Variants in ATP2B2 observed in about 807,000 individuals in gnomAD.
ATP2B2 encodes the protein plasma membrane calcium-transporting ATPase 2.
A neutral mutation model predicts 120.0 loss-of-function variants in ATP2B2; 15 were observed. That is an observed-to-expected ratio of 0.12 (90% CI 0.08 to 0.19). ATP2B2 has a LOEUF of 0.19. Ranked by LOEUF, ATP2B2 falls within the 10% of genes least tolerant of loss-of-function variation. The pLI is 1.00. For synonymous variants in ATP2B2, 694 were observed against 700.3 expected (o/e 0.99, Z 0.14); for missense variants, 1,045 against 1,719.8 (o/e 0.61, Z 6.94).
chr3:10,652,180 T>C (rs570187802), intron 1 of ATP2B2, among the ~76,000 whole-genome samples: 3 of 152,266 alleles, frequency 2.0e-5, no homozygotes, highest in African/African-American at 4.8e-5. Flanking sequence ...CTGGCTGGTA[T>C]AAATCAGCTT....
chr3:10,375,596 G>C lies in ATP2B2; in HGVS notation c.1250C>G (p.Thr417Ser), dbSNP rs891845763. The change falls in exon 11 of 23, where the codon ACT becomes AGT. Residue 417 changes from threonine to serine, a missense_variant. Transcript: ENST00000360273. This position sits in a 1 kb window ranked among gnomAD's most constrained non-coding sequence, Gnocchi z 4.2. ...CTTGTTGACCACGAAGGTGTCCACA[G>C]TGAAGTAGAGCACCAGGATGATCAC... ...ITVIILVLYF[T>S]VDTFVVNKKP... 1 of 1,613,730 alleles carries C rather than the reference G, an allele frequency of 6.2e-7. No homozygotes were observed. Among genetic ancestry groups the C allele is most frequent in the African/African-American group, 1.3e-5 (1 of 74,934 alleles).
At chr3:10,592,145 G>C (rs1484773634) in intron 2 of ATP2B2, among the ~76,000 whole-genome samples, 1 of 152,148 alleles carries the variant, frequency 6.6e-6, no homozygotes, top group Non-Finnish European at 1.5e-5. Context: ...TTCTCTTCCT[G>C]CATCTTCCTA....
At chr3:10,636,651 T>C (rs1030152430) in intron 1 of ATP2B2, among the ~76,000 whole-genome samples, 1 of 152,120 alleles carries the variant, frequency 6.6e-6, no homozygotes, top group South Asian at 2.1e-4. Flanking sequence ...CAGACAACAA[T>C]GGTCAATGAT....
At chr3:10,553,155 T>C (rs1394138383) in intron 2 of ATP2B2, among the ~76,000 whole-genome samples, 2 of 152,166 alleles carry the variant, frequency 1.3e-5, no homozygotes, top group Admixed American at 6.5e-5. Flanking sequence ...TTCTATGGAG[T>C]ATTATTATTT....
At chr3:10,371,185 G>A (rs767175508) in intron 12 of ATP2B2, among the ~76,000 whole-genome samples, 3 of 152,224 alleles carry the variant, frequency 2.0e-5, no homozygotes, top group Admixed American at 6.5e-5. Flanking sequence ...AAGTGATAAC[G>A]TGGCGGTTCA....
chr3:10,633,715 T>C (rs1227437265), intron 1 of ATP2B2, among the ~76,000 whole-genome samples: 1 of 152,156 alleles, frequency 6.6e-6, no homozygotes, highest in African/African-American at 2.4e-5. Context: ...CTTTCTGAAA[T>C]AATAGCTCTG....
At chr3:10,665,062 TC>T (rs2070892279) in intron 1 of ATP2B2, among the ~76,000 whole-genome samples, 1 of 152,188 alleles carries the variant, frequency 6.6e-6, no homozygotes, top group Non-Finnish European at 1.5e-5. Flanking sequence ...CTGTTGGGCT[TC>T]CTGTCCACCC....
At chr3:10,353,702 C>A (rs2060638699) in intron 14 of ATP2B2, among the ~76,000 whole-genome samples, 1 of 152,208 alleles carries the variant, frequency 6.6e-6, no homozygotes, top group Admixed American at 6.5e-5. Flanking sequence ...GAGCCAAAAT[C>A]AGCCATCTTC....
intron 2 of ATP2B2, among the ~76,000 whole-genome samples, chr3:10,570,542 A>G (rs1272075936): frequency 6.6e-6 from 1 of 152,250 alleles, no homozygotes; most frequent in Non-Finnish European, 1.5e-5. Context: ...ACCTGAAACA[A>G]TGAAATATTT....
At chr3:10,640,227 T>C (rs2070134973) in intron 1 of ATP2B2, among the ~76,000 whole-genome samples, 1 of 152,164 alleles carries the variant, frequency 6.6e-6, no homozygotes, top group African/African-American at 2.4e-5. Context: ...AAGGTGCTCT[T>C]TCACCCTACT....
chr3:10,492,246 G>A (rs1032630791), intron 1 of ATP2B2, among the ~76,000 whole-genome samples: 4 of 152,030 alleles, frequency 2.6e-5, no homozygotes, highest in Admixed American at 6.6e-5. Flanking sequence ...GGGGCTTTTC[G>A]GGGGGTGGGG....
intron 1 of ATP2B2, among the ~76,000 whole-genome samples, chr3:10,500,350 C>G (rs566978465): frequency 6.6e-6 from 1 of 152,196 alleles, no homozygotes; most frequent in South Asian, 2.1e-4. Flanking sequence ...ATAAACACCT[C>G]ATAAATCTTA....
chr3:10,569,048 G>A (rs1019447721), intron 2 of ATP2B2, among the ~76,000 whole-genome samples: 1 of 152,224 alleles, frequency 6.6e-6, no homozygotes, highest in Non-Finnish European at 1.5e-5. Flanking sequence ...ACCCTGGGAC[G>A]TGGTATCGCT....
chr3:10,565,722 G>C (rs1387952569), intron 2 of ATP2B2, among the ~76,000 whole-genome samples: 14 of 152,186 alleles, frequency 9.2e-5, no homozygotes, highest in Non-Finnish European at 1.6e-4. Context: ...GACAAACCTG[G>C]ATTCAAATCT....
intron 12 of ATP2B2, among the ~76,000 whole-genome samples, chr3:10,365,768 G>A (rs1484767485): frequency 4.6e-5 from 2 of 43,224 alleles, no homozygotes; most frequent in Non-Finnish European, 1.1e-4. Flanking sequence ...TGTGTTGTGC[G>A]CTGTATGTGT....
At chr3:10,532,052 C>A (rs141321221) in intron 3 of ATP2B2, among the ~76,000 whole-genome samples, 3 of 151,926 alleles carry the variant, frequency 2.0e-5, no homozygotes, top group Non-Finnish European at 4.4e-5. Flanking sequence ...CCCTCACCCC[C>A]CCATCCTCTC....
At chr3:10,618,949 T>G (rs1380369017) in intron 2 of ATP2B2, among the ~76,000 whole-genome samples, 4 of 152,128 alleles carry the variant, frequency 2.6e-5, no homozygotes, top group Non-Finnish European at 5.9e-5. Context: ...ATTTGGGCAC[T>G]GTGACAGGTT....
chr3:10,370,637 G>A (rs932830818), intron 12 of ATP2B2, among the ~76,000 whole-genome samples: 14 of 152,208 alleles, frequency 9.2e-5, no homozygotes, highest in African/African-American at 1.4e-4. Flanking sequence ...ACCAGCCCTT[G>A]GCTCTTTGCT....
At chr3:10,656,355 C>T (rs6796304) in intron 1 of ATP2B2, among the ~76,000 whole-genome samples, 33,156 of 151,896 alleles carry the variant, frequency 0.22, 6,013 homozygotes, top group African/African-American at 0.49. Flanking sequence ...TGACAGCCAA[C>T]CTGTCTAGCT....
Sources: gnomAD v4.1 joint callset for allele counts (sites outside exome capture counted in the v4.1 genomes callset) on GRCh38, gnomAD v4.1.1 for gene constraint, Gnocchi (gnomAD v3.1) non-coding constraint, MANE v1.5 for transcripts, NCBI Gene and HGNC (gene_info 2026-07-23, HGNC 2026-07-21) for gene names.